Variants in PTPRM observed in about 807,000 individuals in gnomAD.
The protein encoded by PTPRM is protein tyrosine phosphatase receptor type M, also known as receptor-type tyrosine-protein phosphatase mu.
In PTPRM, 47 loss-of-function variants were observed where a neutral mutation model predicts 186.7. The ratio of observed to expected loss-of-function variants is 0.25; its 90% confidence interval spans 0.20 to 0.32. The LOEUF is 0.32. PTPRM is among the 10% of genes least tolerant of loss of function. The pLI is 1.00. For synonymous variants in PTPRM, 668 were observed against 674.9 expected (o/e 0.99, Z 0.16); for missense variants, 1,494 against 1,865.0 (o/e 0.80, Z 3.66).
At chr18:7,755,206 A>G (rs1876384910) in intron 1 of PTPRM, 1 of 152,148 alleles carries the variant, frequency 6.6e-6, no homozygotes, top group Admixed American at 6.5e-5. Flanking sequence ...AATTATCATT[A>G]AAAACACAGA....
intron 14 of PTPRM, among the ~76,000 whole-genome samples, chr18:8,208,416 T>G (rs2192192): frequency 0.86 from 131,557 of 152,160 alleles, 56,958 homozygotes; most frequent in East Asian, 0.96. Flanking sequence ...AGAATGTAAC[T>G]AAAATAAGTA....
At chr18:7,942,549 T>A (rs1488287907) in intron 5 of PTPRM, among the ~76,000 whole-genome samples, 1 of 147,362 alleles carries the variant, frequency 6.8e-6, no homozygotes, top group East Asian at 2.1e-4. Context: ...TAGGGGAGGA[T>A]GGAGGGAGAA....
chr18:7,995,304 A>C (rs1279440941), intron 7 of PTPRM, among the ~76,000 whole-genome samples: 1 of 152,188 alleles, frequency 6.6e-6, no homozygotes, highest in Non-Finnish European at 1.5e-5. Context: ...AACAAAGAAA[A>C]GCCCAGGATC....
intron 2 of PTPRM, among the ~76,000 whole-genome samples, chr18:7,872,117 ATT>A (rs2048011322): frequency 6.6e-6 from 1 of 152,212 alleles, no homozygotes; most frequent in Non-Finnish European, 1.5e-5. Flanking sequence ...GATGTATCAA[ATT>A]ACTGTTTCTG....
intron 14 of PTPRM, among the ~76,000 whole-genome samples, chr18:8,237,072 A>G (rs2094353552): frequency 6.6e-6 from 1 of 152,078 alleles, no homozygotes; most frequent in Admixed American, 6.6e-5. Context: ...ATATGTTTAC[A>G]GCTAGTCCAA....
chr18:8,050,455 G>T (rs1038951496), intron 7 of PTPRM, among the ~76,000 whole-genome samples: 3 of 151,436 alleles, frequency 2.0e-5, no homozygotes, highest in Non-Finnish European at 2.9e-5. Context: ...TATGAATATT[G>T]AACTCTGATT....
chr18:7,755,773 T>C (rs7243299), intron 1 of PTPRM, among the ~76,000 whole-genome samples: 4,245 of 152,260 alleles, frequency 0.028, 202 homozygotes, highest in African/African-American at 0.096. Flanking sequence ...GATTTTCTAT[T>C]TTGCACTGGT....
intron 1 of PTPRM, among the ~76,000 whole-genome samples, chr18:7,661,264 AC>A (rs1598322376): frequency 6.6e-6 from 1 of 152,208 alleles, no homozygotes; most frequent in Non-Finnish European, 1.5e-5. Flanking sequence ...CACTGATGTG[AC>A]TTTTAGAAGC....
chr18:8,100,300 C>T (rs1041694066), intron 11 of PTPRM, among the ~76,000 whole-genome samples: 1 of 152,074 alleles, frequency 6.6e-6, no homozygotes, highest in African/African-American at 2.4e-5. Context: ...TACCACCATG[C>T]CTGGCTAATT....
chr18:8,342,819 A>C (rs576244727), intron 22 of PTPRM, among the ~76,000 whole-genome samples: 1 of 152,310 alleles, frequency 6.6e-6, no homozygotes, highest in East Asian at 1.9e-4. Flanking sequence ...CTCAGATCCC[A>C]AGAGCTAAGG....
At chr18:7,637,112 G>A (rs2038332126) in intron 1 of PTPRM, among the ~76,000 whole-genome samples, 1 of 149,086 alleles carries the variant, frequency 6.7e-6, no homozygotes, top group African/African-American at 2.5e-5. Flanking sequence ...AGGTTGCAGT[G>A]AGCTGAGACT....
chr18:8,016,821 A>G (rs529232865), intron 7 of PTPRM, among the ~76,000 whole-genome samples: 1 of 152,318 alleles, frequency 6.6e-6, no homozygotes, highest in African/African-American at 2.4e-5. Context: ...CATACCAATA[A>G]TCTGGAGATG....
At chr18:8,401,457 G>C (rs1257764210) in intron 32 of PTPRM, among the ~76,000 whole-genome samples, 1 of 152,184 alleles carries the variant, frequency 6.6e-6, no homozygotes, top group Non-Finnish European at 1.5e-5. Context: ...ATCCCACCAC[G>C]GTAATAGGGC....
At chr18:8,161,218 G>T (rs1240333030) in intron 14 of PTPRM, among the ~76,000 whole-genome samples, 3 of 152,176 alleles carry the variant, frequency 2.0e-5, no homozygotes, top group Non-Finnish European at 4.4e-5. Flanking sequence ...GGGACACTTG[G>T]GGATGCCTGA....
At chr18:8,305,202 C>T (rs2095208338) in intron 20 of PTPRM, among the ~76,000 whole-genome samples, 1 of 152,126 alleles carries the variant, frequency 6.6e-6, no homozygotes. Flanking sequence ...ATTCTTCAGT[C>T]TCCTGTTTAT....
intron 1 of PTPRM, among the ~76,000 whole-genome samples, chr18:7,748,520 G>C (rs1568073644): frequency 6.6e-6 from 1 of 152,120 alleles, no homozygotes; most frequent in Non-Finnish European, 1.5e-5. Context: ...TGGGTGGAAG[G>C]GTTGGGGTTC....
At chr18:8,138,246 A>C (rs1600775470) in intron 13 of PTPRM, among the ~76,000 whole-genome samples, 1 of 148,308 alleles carries the variant, frequency 6.7e-6, no homozygotes, top group Non-Finnish European at 1.5e-5. Flanking sequence ...CATCCTAACT[A>C]GGAGGAGTGA....
chr18:8,281,730 C>G (rs553387494), intron 19 of PTPRM, among the ~76,000 whole-genome samples: 66 of 152,186 alleles, frequency 4.3e-4, no homozygotes, highest in South Asian at 3.7e-3. Flanking sequence ...AAGGCGTCTC[C>G]TAACATATCC....
Position 7,661,211 on chromosome 18 carries a change from G to A in PTPRM, c.73+93320G>A, listed in dbSNP as rs1598322213. ...GGAATGATCTTTAGGATCTTTATTG[G>A]TCTTTCTAACACTCAGAATATTCAT... On this transcript the variant is annotated intron_variant, in intron 1 of 32. Coordinates refer to ENST00000580170, the MANE Select transcript of PTPRM (RefSeq NM_001105244.2). Among the ~76,000 whole-genome samples, 3 of 152,228 alleles carry A rather than the reference G, an allele frequency of 2.0e-5. No individual in the cohort carries two copies. The South Asian group carries it at 6.2e-4, about 32-fold the overall frequency.
Sources: gnomAD v4.1 joint callset for allele counts (sites outside exome capture counted in the v4.1 genomes callset) on GRCh38, gnomAD v4.1.1 for gene constraint, MANE v1.5 for transcripts, NCBI Gene and HGNC (gene_info 2026-07-23, HGNC 2026-07-21) for gene names.